KCNJ12: variants seen among roughly 807,000 people sequenced by gnomAD.
KCNJ12 encodes the protein ATP-sensitive inward rectifier potassium channel 12.
In KCNJ12, 2 loss-of-function variants were observed where a neutral mutation model predicts 22.3. That is an observed-to-expected ratio of 0.09 (90% CI 0.04 to 0.28). The LOEUF is 0.28. Among genes scored for constraint, KCNJ12 ranks in the 10% least tolerant of loss-of-function variants. The probability of loss-of-function intolerance (pLI) is 1.00; values close to 1 mark genes in which losing one functional copy is unlikely to be tolerated. For missense variants in KCNJ12, 155 were observed against 633.3 expected, an observed-to-expected ratio of 0.24 and a Z score of 8.11; for synonymous variants, 117 against 261.4, an observed-to-expected ratio of 0.45 and a Z score of 5.33.
At chr17:21,381,963 G>A (rs1271136916) in intron 1 of KCNJ12, among the ~76,000 whole-genome samples, 1 of 152,248 alleles carries the variant, frequency 6.6e-6, no homozygotes, top group Non-Finnish European at 1.5e-5. Flanking sequence ...ATGGTAGCCA[G>A]CATTGTCAGC....
rs1235279785 is a variant in KCNJ12, at chr17:21,418,586, C to G, written c.*1942C>G. 1 of 167,078 alleles carries G rather than the reference C, an allele frequency of 6.0e-6. No individual in the cohort carries two copies. The highest frequency in any genetic ancestry group is 2.4e-5 in the African/African-American group (1 of 41,362). The allele number at this position is 167,078 out of a possible 1,614,324, so 10.3% of individuals were successfully genotyped here. ...CGACCCCTACATCCTGGGGTAGGCC[C>G]GACTCAGCATCCTGTCCCAGCTTCA... On this transcript the variant is annotated 3_prime_UTR_variant, in exon 3 of 3. Transcript: ENST00000583088.
intron 1 of KCNJ12, among the ~76,000 whole-genome samples, chr17:21,385,848 A>G (rs1905054581): frequency 6.6e-6 from 1 of 152,178 alleles, no homozygotes; most frequent in Admixed American, 6.5e-5. Flanking sequence ...AATAGAGAGG[A>G]GACTGGGAGG....
intron 1 of KCNJ12, among the ~76,000 whole-genome samples, chr17:21,382,605 A>G (rs1046843271): frequency 2.0e-5 from 3 of 152,328 alleles, no homozygotes; most frequent in Admixed American, 6.5e-5. Context: ...CTGCAACTAT[A>G]GAGACTGGCA....
intron 1 of KCNJ12, among the ~76,000 whole-genome samples, chr17:21,404,901 G>A (rs1905838116): frequency 6.6e-6 from 1 of 152,296 alleles, no homozygotes; most frequent in South Asian, 2.1e-4. Flanking sequence ...GCTTAAGGGT[G>A]GACGTTTGCC....
intron 1 of KCNJ12, among the ~76,000 whole-genome samples, chr17:21,395,568 CAAAAAAAAAAAAA>C (rs10652801): frequency 6.2e-5 from 3 of 48,140 alleles, no homozygotes; most frequent in Admixed American, 3.3e-4. Flanking sequence ...GACTTCTTCT[CAAAAAAAAAAAAA>C]AAAAAAAAAA....
intron 2 of KCNJ12, among the ~76,000 whole-genome samples, chr17:21,413,960 G>C (rs1455520846): frequency 5.3e-5 from 8 of 152,224 alleles, no homozygotes; most frequent in Non-Finnish European, 1.2e-4. Flanking sequence ...GCAGGGGCTG[G>C]GGAGGGCCCT....
At chr17:21,395,706 C>A (rs1905339916) in intron 1 of KCNJ12, among the ~76,000 whole-genome samples, 1 of 151,972 alleles carries the variant, frequency 6.6e-6, no homozygotes, top group Admixed American at 6.5e-5. Context: ...CATTAATCCT[C>A]ATGACAATCA....
chr17:21,407,786 A>C, intron 1 of KCNJ12, among the ~76,000 whole-genome samples: 2 of 125,214 alleles, frequency 1.6e-5, no homozygotes, highest in African/African-American at 6.3e-5. Context: ...CATCCATCCT[A>C]TTATCCATTC....
At chr17:21,410,664 T>C (rs1298617011) in intron 2 of KCNJ12, among the ~76,000 whole-genome samples, 1 of 152,252 alleles carries the variant, frequency 6.6e-6, no homozygotes, top group Non-Finnish European at 1.5e-5. Flanking sequence ...CACCTGGGAC[T>C]GCAGGGGCTT....
intron 1 of KCNJ12, among the ~76,000 whole-genome samples, chr17:21,386,345 A>C (rs573660717): frequency 1.3e-5 from 2 of 149,654 alleles, no homozygotes; most frequent in African/African-American, 2.5e-5. Context: ...CCTCTCTCTC[A>C]CTCTTTCTGT....
chr17:21,398,683 C>A (rs553444299), intron 1 of KCNJ12, among the ~76,000 whole-genome samples: 51 of 152,344 alleles, frequency 3.3e-4, no homozygotes, highest in African/African-American at 1.2e-3. Flanking sequence ...CTCCCTACTC[C>A]CAAATCCTTG....
At chr17:21,391,594 C>T (rs1905212742) in intron 1 of KCNJ12, among the ~76,000 whole-genome samples, 2 of 152,220 alleles carry the variant, frequency 1.3e-5, no homozygotes, top group Admixed American at 6.5e-5. Context: ...CAGCCCTCTT[C>T]CTCCTCCTCC....
chr17:21,408,020 T>TCCATCCATCCATCCATCCAC (rs1555561259), intron 1 of KCNJ12, among the ~76,000 whole-genome samples: 3 of 152,130 alleles, frequency 2.0e-5, no homozygotes, highest in South Asian at 2.1e-4. Context: ...CATCCATCCA[T>TCCATCCATCCATCCATCCAC]CCACCCATTC....
intron 1 of KCNJ12, among the ~76,000 whole-genome samples, chr17:21,377,557 CCCAGGGTTTCAGGG>C (rs1265892818): frequency 1.3e-5 from 2 of 152,164 alleles, no homozygotes; most frequent in Admixed American, 1.3e-4. Context: ...CTGAGAAGCT[CCCAGGGTTTCAGGG>C]CCAGGGTCCA....
At chr17:21,382,212 GCCTGCTTCAGCTCAGGATGTCC>G (rs1904892244) in intron 1 of KCNJ12, among the ~76,000 whole-genome samples, 1 of 152,316 alleles carries the variant, frequency 6.6e-6, no homozygotes, top group African/African-American at 2.4e-5. Context: ...CTAGCACTTG[GCCTGCTTCAGCTCAGGATGTCC>G]CCATCTGATT....
chr17:21,416,506 G>A lies in KCNJ12; in HGVS notation c.1164G>A (p.Glu388=), dbSNP rs1555562961. ...ENELAFLSRD[E]EDEADGDQDG... is the part of the protein sequence containing the mutation. ...AGCTGGCCTTCCTGAGCCGTGACGAGGAGGATGAGGCGGACGGAGACCAGG... is the reference window on the plus strand; with the variant it reads ...AGCTGGCCTTCCTGAGCCGTGACGAAGAGGATGAGGCGGACGGAGACCAGG... Residue 388 remains glutamate, a synonymous_variant, in exon 3 of 3, where the codon GAG becomes GAA. Transcript: ENST00000583088. The A allele has an allele frequency of 1.9e-6, 3 of 1,613,642 alleles. No homozygotes were observed. Among genetic ancestry groups the A allele is most frequent in the Admixed American group, 1.7e-5 (1 of 60,026 alleles).
intron 2 of KCNJ12, among the ~76,000 whole-genome samples, chr17:21,408,989 TG>T (rs1906153343): frequency 6.6e-6 from 1 of 152,310 alleles, no homozygotes; most frequent in African/African-American, 2.4e-5. Context: ...ACCACCCACC[TG>T]TTGATTCAAT....
intron 1 of KCNJ12, among the ~76,000 whole-genome samples, chr17:21,384,820 T>C (rs1468818656): frequency 1.3e-5 from 2 of 149,892 alleles, no homozygotes; most frequent in Admixed American, 1.3e-4. Context: ...TCGCCCAGGC[T>C]GGAGTGCAAT....
chr17:21,399,529 A>G (rs952717436), intron 1 of KCNJ12, among the ~76,000 whole-genome samples: 3 of 152,140 alleles, frequency 2.0e-5, no homozygotes, highest in Admixed American at 2.0e-4. Context: ...AGCAGGGGCC[A>G]AACAGGGGCC....
Sources: gnomAD v4.1 joint callset for allele counts (sites outside exome capture counted in the v4.1 genomes callset) on GRCh38, gnomAD v4.1.1 for gene constraint, MANE v1.5 for transcripts, NCBI Gene and HGNC (gene_info 2026-07-23, HGNC 2026-07-21) for gene names.